Variants in CTNND2 observed in about 807,000 individuals in gnomAD.
The protein encoded by CTNND2 is catenin delta 2.
A neutral mutation model predicts 144.4 loss-of-function variants in CTNND2; 22 were observed. The observed-to-expected ratio is 0.15, with a 90% CI of 0.11 to 0.22. The LOEUF (loss-of-function observed/expected upper bound fraction) is 0.22. CTNND2 is among the 10% of genes least tolerant of loss of function. CTNND2 has a pLI of 1.00. For synonymous variants in CTNND2, 751 were observed against 695.6 expected (o/e 1.08, Z -1.25); for missense variants, 1,353 against 1,618.8 (o/e 0.84, Z 2.82).
chr5:11,427,799 T>C lies in CTNND2; in HGVS notation c.288-15730A>G, dbSNP rs559125531. Among the ~76,000 whole-genome samples, 18 of 152,192 alleles carry C rather than the reference T, an allele frequency of 1.2e-4. No individual in the cohort carries two copies. In the South Asian group the frequency reaches 1.7e-3, roughly 14 times the overall value. On this transcript the variant is annotated intron_variant, in intron 3 of 21. Transcript: ENST00000304623. ...TCTCCCTCTTCATGTCTGCAATCTT[T>C]TTGCTCCCATCAATTATCTCCACTG...
intron 12 of CTNND2, among the ~76,000 whole-genome samples, chr5:11,146,536 A>G: frequency 6.6e-6 from 1 of 152,242 alleles, no homozygotes; most frequent in East Asian, 1.9e-4. Flanking sequence ...TATATCATTT[A>G]TGATGCTATC....
intron 12 of CTNND2, among the ~76,000 whole-genome samples, chr5:11,119,857 T>C (rs1753906789): frequency 6.6e-6 from 1 of 152,240 alleles, no homozygotes; most frequent in African/African-American, 2.4e-5. Context: ...AGCTCTTCTT[T>C]GACTAATGTG....
At chr5:11,762,881 C>A (rs1789351970) in intron 1 of CTNND2, among the ~76,000 whole-genome samples, 3 of 152,322 alleles carry the variant, frequency 2.0e-5, no homozygotes, top group Middle Eastern at 6.8e-3. Flanking sequence ...GGCAACTGTT[C>A]TTAATCTAAA....
intron 9 of CTNND2, among the ~76,000 whole-genome samples, chr5:11,255,182 C>G (rs996981889): frequency 1.3e-5 from 2 of 152,096 alleles, no homozygotes; most frequent in Admixed American, 1.3e-4. Context: ...TTAATACTTC[C>G]TTGTGGTAAA....
chr5:11,740,735 T>C (rs1283710230), intron 1 of CTNND2, among the ~76,000 whole-genome samples: 2 of 152,030 alleles, frequency 1.3e-5, no homozygotes, highest in Non-Finnish European at 2.9e-5. Context: ...AAAGAAACTA[T>C]CATCAGAGTG....
intron 18 of CTNND2, among the ~76,000 whole-genome samples, 159 bp downstream of exon 18, chr5:11,017,815 C>T (rs1033136827): frequency 6.6e-6 from 1 of 152,096 alleles, no homozygotes; most frequent in African/African-American, 2.4e-5. Context: ...AGGAGCTACT[C>T]AGGGGACACA....
chr5:11,077,304 G>C (rs904285069), intron 16 of CTNND2, among the ~76,000 whole-genome samples: 2 of 152,114 alleles, frequency 1.3e-5, no homozygotes, highest in Admixed American at 6.5e-5. Flanking sequence ...AAGGTAATTG[G>C]GGCTGTGGAG....
At chr5:11,348,437 CA>C (rs3034056) in intron 8 of CTNND2, among the ~76,000 whole-genome samples, 22,841 of 114,292 alleles carry the variant, frequency 0.2, 1,628 homozygotes, top group East Asian at 0.29. Context: ...AAATCAAGGG[CA>C]AAAAAAAAAA....
intron 3 of CTNND2, among the ~76,000 whole-genome samples, chr5:11,465,417 G>A (rs533918039): frequency 1.3e-5 from 2 of 152,122 alleles, no homozygotes; most frequent in East Asian, 3.9e-4. Flanking sequence ...TGTGCAACTG[G>A]TAAAAATTTG....
intron 5 of CTNND2, among the ~76,000 whole-genome samples, chr5:11,408,158 C>T (rs1761239411): frequency 6.6e-6 from 1 of 152,126 alleles, no homozygotes. Flanking sequence ...GCTGTTTGTT[C>T]CCTTAATCTT....
At chr5:11,799,662 T>C (rs1791577531) in intron 1 of CTNND2, among the ~76,000 whole-genome samples, 1 of 152,174 alleles carries the variant, frequency 6.6e-6, no homozygotes, top group African/African-American at 2.4e-5. Flanking sequence ...TCTGTCCATA[T>C]CGCTACTTGG....
intron 10 of CTNND2, among the ~76,000 whole-genome samples, chr5:11,229,243 G>A (rs994047972): frequency 6.6e-6 from 1 of 152,214 alleles, no homozygotes; most frequent in Admixed American, 6.5e-5. Context: ...AATGAGGCAT[G>A]TTAATAGGGA....
At chr5:11,011,556 G>A (rs1365954838) in intron 18 of CTNND2, among the ~76,000 whole-genome samples, 2 of 152,174 alleles carry the variant, frequency 1.3e-5, no homozygotes, top group Admixed American at 1.3e-4. Flanking sequence ...GATACTGAGT[G>A]GACGCTGTTC....
intron 11 of CTNND2, among the ~76,000 whole-genome samples, chr5:11,188,981 A>C (rs1735965099): frequency 6.6e-6 from 1 of 152,182 alleles, no homozygotes; most frequent in South Asian, 2.1e-4. Context: ...CTGAAATTAC[A>C]GATTTATTTG....
intron 2 of CTNND2, 142 bp from the exon 3 acceptor site, chr5:11,565,198 C>T (rs758824777): frequency 6.1e-5 from 40 of 659,160 alleles, no homozygotes; most frequent in Non-Finnish European, 9.9e-5. Flanking sequence ...AACTAGGATT[C>T]GAAGGTTAGA....
At chr5:11,535,373 A>G (rs1326111775) in intron 3 of CTNND2, among the ~76,000 whole-genome samples, 4 of 152,136 alleles carry the variant, frequency 2.6e-5, no homozygotes, top group Non-Finnish European at 5.9e-5. Flanking sequence ...AAAATATTAT[A>G]TATCACTCTC....
intron 3 of CTNND2, among the ~76,000 whole-genome samples, chr5:11,431,749 A>G (rs545919644): frequency 2.0e-4 from 31 of 152,200 alleles, no homozygotes; most frequent in Middle Eastern, 3.4e-3. Context: ...TTATTGCCAT[A>G]TGGAGTAAAA....
At chr5:11,562,059 G>C (rs1165462834) in intron 3 of CTNND2, among the ~76,000 whole-genome samples, 1 of 151,748 alleles carries the variant, frequency 6.6e-6, no homozygotes, top group Admixed American at 6.6e-5. Context: ...AAAAAAAAAA[G>C]AGAGAGAGAT....
At chr5:11,578,169 T>C (rs915990883) in intron 2 of CTNND2, among the ~76,000 whole-genome samples, 22 of 152,302 alleles carry the variant, frequency 1.4e-4, no homozygotes, top group Admixed American at 1.4e-3. Flanking sequence ...TGCTGTCACA[T>C]CCACTGTTGA....
Sources: gnomAD v4.1 joint callset for allele counts (sites outside exome capture counted in the v4.1 genomes callset) on GRCh38, gnomAD v4.1.1 for gene constraint, MANE v1.5 for transcripts, NCBI Gene and HGNC (gene_info 2026-07-23, HGNC 2026-07-21) for gene names.